The following CCDC39 variants were observed in gnomAD, a reference collection of about 807,000 sequenced individuals.
CCDC39 encodes the protein coiled-coil domain 39 molecular ruler complex subunit.
Under a neutral mutation model 121.0 loss-of-function variants are expected in CCDC39, and 113 were observed. The ratio of observed to expected loss-of-function variants is 0.93; its 90% CI spans 0.80 to 1.09. The LOEUF is 1.09. Among genes scored for constraint, CCDC39 ranks in the 50% least tolerant of loss-of-function variants. The pLI is 0.00. For synonymous variants in CCDC39, 349 were observed against 352.2 expected, an observed-to-expected ratio of 0.99 and a Z score of 0.10; for missense variants, 1,063 against 1,074.7, an observed-to-expected ratio of 0.99 and a Z score of 0.15.
At chr3:180,669,972 G>C (rs1438675834) in intron 1 of CCDC39, among the ~76,000 whole-genome samples, 2 of 152,032 alleles carry the variant, frequency 1.3e-5, no homozygotes, top group Non-Finnish European at 2.9e-5. Flanking sequence ...TGAAATCATT[G>C]TTACTTTTTT....
chr3:180,629,516 G>A (rs2108411943), intron 14 of CCDC39, among the ~76,000 whole-genome samples: 1 of 152,306 alleles, frequency 6.6e-6, no homozygotes, highest in Non-Finnish European at 1.5e-5. Context: ...ACTAGAAAAT[G>A]CCAACACCTT....
At chr3:180,655,673 G>C (rs1711562366) in intron 6 of CCDC39, among the ~76,000 whole-genome samples, 1 of 152,134 alleles carries the variant, frequency 6.6e-6, no homozygotes, top group Non-Finnish European at 1.5e-5. Flanking sequence ...GGGTGGGAAG[G>C]CAGGGGTGCA....
intron 1 of CCDC39, among the ~76,000 whole-genome samples, chr3:180,670,777 G>A (rs1206261859): frequency 1.3e-5 from 2 of 151,804 alleles, no homozygotes; most frequent in Non-Finnish European, 2.9e-5. Context: ...TGAAATATGA[G>A]GTGGGTCTAG....
At chr3:180,638,367 A>C (rs1243846276) in intron 13 of CCDC39, among the ~76,000 whole-genome samples, 2 of 152,172 alleles carry the variant, frequency 1.3e-5, no homozygotes, top group African/African-American at 2.4e-5. Flanking sequence ...TATGTATTAA[A>C]CATGCAAGGA....
rs73885309 is a variant in CCDC39, at chr3:180,660,812, C to G, written c.358-84G>C. The G allele has an allele frequency of 8.5e-3, 10,323 of 1,213,046 alleles. 671 individuals carry two copies. The African/African-American group carries it at 0.14, about 16-fold the overall frequency. The allele number at this position is 1,213,046 out of a possible 1,614,324, so 75.1% of individuals were successfully genotyped here. A position where few individuals can be genotyped will look rare whatever the true frequency, so the allele number is the denominator to read the frequency against. ...CTAAAATAAAACATACCTTTATATACTATGGAGCAAAATTAAAAATGAGGA... is the reference window on the plus strand; with the variant it reads ...CTAAAATAAAACATACCTTTATATAGTATGGAGCAAAATTAAAAATGAGGA... On this transcript the variant is annotated intron_variant, in intron 3 of 19. Coordinates refer to ENST00000476379, the MANE Select transcript of CCDC39 (RefSeq NM_181426.2).
At chr3:180,631,689 A>G in intron 13 of CCDC39, 97 bp from the exon 14 acceptor site, 1 of 981,710 alleles carries the variant, frequency 1.0e-6, no homozygotes, top group African/African-American at 1.7e-5. Flanking sequence ...GATTTGTGTT[A>G]CTACTAAACT....
At chr3:180,665,531 C>G (rs1052045583) in intron 1 of CCDC39, among the ~76,000 whole-genome samples, 1 of 151,176 alleles carries the variant, frequency 6.6e-6, no homozygotes, top group East Asian at 1.9e-4. Flanking sequence ...TTTTTTTTTG[C>G]TTTTTGTGTC....
chr3:180,659,444 T>C lies in CCDC39; in HGVS notation c.738+8A>G. 6.2e-7 allele frequency: 1 copy of C among 1,613,216 alleles called. No homozygotes were observed. The highest frequency in any genetic ancestry group is 8.5e-7 in the Non-Finnish European group (1 of 1,179,526). On this transcript the variant is annotated splice_region_variant and intron_variant, in intron 6 of 19. Coordinates refer to ENST00000476379, the MANE Select transcript of CCDC39 (RefSeq NM_181426.2). ...CTGAACATTACAAGGACCAAACAAC[T>C]ACTTTACCAAAGCACAGTTATCTAT...
intron 1 of CCDC39, among the ~76,000 whole-genome samples, chr3:180,670,264 C>A (rs77484011): frequency 1.3e-5 from 2 of 151,402 alleles, no homozygotes; most frequent in Non-Finnish European, 2.9e-5. Context: ...AGGATGTGTA[C>A]AAGTATTATC....
chr3:180,639,489 A>T (rs371211587), intron 13 of CCDC39, among the ~76,000 whole-genome samples: 13 of 152,176 alleles, frequency 8.5e-5, no homozygotes, highest in African/African-American at 3.1e-4. Context: ...ACTTGGATGG[A>T]GTTGGAGACC....
chr3:180,662,557 A>G (rs1317370671), intron 2 of CCDC39, among the ~76,000 whole-genome samples: 2 of 152,144 alleles, frequency 1.3e-5, no homozygotes, highest in Admixed American at 1.3e-4. Context: ...TTAATTTTAC[A>G]GTACTAAAGC....
At chr3:180,627,194 T>G (rs1717583970) in intron 14 of CCDC39, among the ~76,000 whole-genome samples, 1 of 152,228 alleles carries the variant, frequency 6.6e-6, no homozygotes, top group Non-Finnish European at 1.5e-5. Context: ...CTTAACATTT[T>G]CACTGGCATT....
At chr3:180,643,291 T>C (rs1379295120) in intron 12 of CCDC39, among the ~76,000 whole-genome samples, 1 of 152,052 alleles carries the variant, frequency 6.6e-6, no homozygotes, top group Non-Finnish European at 1.5e-5. Context: ...ATGAAAATCT[T>C]TTATAATTTA....
chr3:180,625,118 T>G (rs995851879), intron 14 of CCDC39, among the ~76,000 whole-genome samples: 14 of 152,168 alleles, frequency 9.2e-5, no homozygotes, highest in African/African-American at 3.4e-4. Flanking sequence ...AAATGGGCTT[T>G]CTAAACTTAT....
At chr3:180,635,771 G>T (rs555579763) in intron 13 of CCDC39, among the ~76,000 whole-genome samples, 1 of 152,226 alleles carries the variant, frequency 6.6e-6, no homozygotes, top group East Asian at 1.9e-4. Context: ...GCTTTTCAAG[G>T]TGCATGGTGC....
chr3:180,658,217 C>T (rs1233854979), intron 6 of CCDC39, among the ~76,000 whole-genome samples: 2 of 134,912 alleles, frequency 1.5e-5, no homozygotes, highest in Admixed American at 8.1e-5. Context: ...CCAGCCTGGG[C>T]GATAAGAGTG....
Position 180,654,911 on chromosome 3 carries a change from A to G in CCDC39, c.781T>C (p.Leu261=), listed in dbSNP as rs576903465. Reference sequence around the variant, plus strand: ...AAAAACTTGATCTTTTCTTTAACCAAATTTTCTTTTTCTCTCGTTTCCTGC... The same window carrying G: ...AAAAACTTGATCTTTTCTTTAACCAGATTTTCTTTTTCTCTCGTTTCCTGC... ...IKQETREKEN[L]VKEKIKFLES... is the part of the protein sequence containing the mutation. Residue 261 remains leucine (L), a synonymous_variant, in exon 7 of 20, where the codon TTG becomes CTG. Transcript: ENST00000476379. 12 of 1,585,152 alleles carry G rather than the reference A, an allele frequency of 7.6e-6. No individual in the cohort carries two copies. The South Asian group carries it at 1.2e-4, about 16-fold the overall frequency.
At chr3:180,673,508 C>A (rs892465007) in intron 1 of CCDC39, among the ~76,000 whole-genome samples, 1 of 152,114 alleles carries the variant, frequency 6.6e-6, no homozygotes, top group African/African-American at 2.4e-5. Context: ...AAAGTATTTT[C>A]AATTAAGGTA....
intron 9 of CCDC39, among the ~76,000 whole-genome samples, chr3:180,649,449 T>C (rs1718147027): frequency 6.6e-6 from 1 of 152,194 alleles, no homozygotes; most frequent in African/African-American, 2.4e-5. Flanking sequence ...AACCTGAATA[T>C]GACACAAAAC....
Sources: allele counts gnomAD v4.1 joint callset (sites outside exome capture counted in the v4.1 genomes callset), GRCh38; gene constraint gnomAD v4.1.1; transcripts MANE v1.5; gene names NCBI Gene and HGNC (gene_info 2026-07-23, HGNC 2026-07-21).